The following CFAP54 variants were observed in gnomAD, a reference collection of about 807,000 sequenced individuals.
CFAP54 encodes cilia and flagella associated protein 54, also known as cilia- and flagella-associated protein 54.
A neutral mutation model predicts 370.4 loss-of-function variants in CFAP54; 290 were observed. That is an observed-to-expected ratio of 0.78 (90% CI 0.71 to 0.86). CFAP54 has a LOEUF of 0.86. Among genes scored for constraint, CFAP54 ranks in the 40% least tolerant of loss-of-function variants. The pLI is 0.00. For synonymous variants in CFAP54, 1,206 were observed against 1,236.5 expected (o/e 0.98, Z 0.52); for missense variants, 3,399 against 3,528.7 (o/e 0.96, Z 0.93).
At chr12:96,769,948 A>C (rs190694374) in intron 60 of CFAP54, among the ~76,000 whole-genome samples, 1 of 152,324 alleles carries the variant, frequency 6.6e-6, no homozygotes, top group Non-Finnish European at 1.5e-5. Context: ...CAGCCTGAAA[A>C]GAAATCTGAT....
At chr12:96,734,277 A>G (rs1957956009) in intron 50 of CFAP54, among the ~76,000 whole-genome samples, 1 of 152,208 alleles carries the variant, frequency 6.6e-6, no homozygotes, top group Admixed American at 6.5e-5. Context: ...CAATACATTA[A>G]TAATGATAAT....
intron 60 of CFAP54, among the ~76,000 whole-genome samples, chr12:96,766,705 C>T (rs567776301): frequency 6.6e-5 from 10 of 152,286 alleles, no homozygotes; most frequent in East Asian, 5.8e-4. Context: ...AAATCTAAGA[C>T]GATGACTGAA....
Position 96,826,927 on chromosome 12 carries a change from TATA to T in CFAP54, c.9097-2083_9097-2081del, listed in dbSNP as rs1234615146. 4.6e-5 allele frequency among the ~76,000 whole-genome samples: 6 copies of T among 131,328 alleles called. No individual in the cohort carries two copies. The East Asian group carries it at 1.1e-3, about 24-fold the overall frequency. The allele number at this position is 131,328 out of a possible 152,430, so 86.2% of individuals were successfully genotyped here. A position where few individuals can be genotyped will look rare whatever the true frequency, so the allele number is the denominator to read the frequency against. On this transcript the variant is annotated intron_variant, in intron 65 of 67. Transcript: ENST00000524981. Reference sequence around the variant, plus strand: ...ATATATGCAATTATATATGATTATATATAATATGCAATTATGTATGATTATATA... The same window carrying T: ...ATATATGCAATTATATATGATTATATATATGCAATTATGTATGATTATATA...
intron 1 of CFAP54, among the ~76,000 whole-genome samples, chr12:96,499,864 T>C (rs966245793): frequency 6.6e-6 from 1 of 152,114 alleles, no homozygotes; most frequent in African/African-American, 2.4e-5. Flanking sequence ...GAGAATTGCT[T>C]GAACCCCAGA....
At chr12:96,589,947 A>G (rs748503884) in intron 23 of CFAP54, among the ~76,000 whole-genome samples, 14 of 152,204 alleles carry the variant, frequency 9.2e-5, no homozygotes, top group African/African-American at 1.9e-4. Flanking sequence ...GGGTTTTGCC[A>G]TGCTGGCCAG....
At chr12:96,747,493 C>G (rs971935781) in intron 55 of CFAP54, among the ~76,000 whole-genome samples, 2 of 152,134 alleles carry the variant, frequency 1.3e-5, no homozygotes, top group Non-Finnish European at 2.9e-5. Flanking sequence ...GAAAATTAAG[C>G]ATTTAGCACC....
Position 96,675,555 on chromosome 12 carries a change from A to G in CFAP54, c.5564-4045A>G, listed in dbSNP as rs1158747730. ...CGATTCCTTAGGGATCTAGAACTAG[A>G]AATACCATTTGACCCAGCCATCCCA... On this transcript the variant is annotated intron_variant, in intron 39 of 67. Coordinates refer to ENST00000524981, the MANE Select transcript of CFAP54 (RefSeq NM_001306084.2). Among the ~76,000 whole-genome samples, 3 of 152,214 alleles carry G rather than the reference A, an allele frequency of 2.0e-5. No individual in the cohort carries two copies. The East Asian group carries it at 5.8e-4, about 29-fold the overall frequency.
At chr12:96,746,333 A>C (rs922764710) in intron 55 of CFAP54, among the ~76,000 whole-genome samples, 2 of 152,174 alleles carry the variant, frequency 1.3e-5, no homozygotes, top group Admixed American at 6.5e-5. Flanking sequence ...CCTTAAGGGT[A>C]GAGTCTGCTC....
Position 96,522,190 on chromosome 12 carries a change from G to T in CFAP54, c.1158+1G>T, listed in dbSNP as rs1955328318. On this transcript the variant is annotated splice_donor_variant, in intron 8 of 67. Coordinates refer to ENST00000524981, the MANE Select transcript of CFAP54 (RefSeq NM_001306084.2). LOFTEE classifies it high-confidence loss of function. ...AATTAACCTAAGGGAAGTACAAACT[G>T]TAAGTCTAAACATGTCTTCTCTCTT... 11 of 1,514,102 alleles carry T rather than the reference G, an allele frequency of 7.3e-6. No individual in the cohort carries two copies. Among genetic ancestry groups the T allele is most frequent in the Non-Finnish European group, 8.8e-6 (10 of 1,130,868 alleles). The allele number at this position is 1,514,102 out of a possible 1,614,324, so 93.8% of individuals were successfully genotyped here. A position where few individuals can be genotyped will look rare whatever the true frequency, so the allele number is the denominator to read the frequency against.
intron 25 of CFAP54, among the ~76,000 whole-genome samples, chr12:96,595,568 GA>G (rs2136438472): frequency 6.6e-6 from 1 of 152,254 alleles, no homozygotes; most frequent in South Asian, 2.1e-4. Flanking sequence ...ACATGATCAA[GA>G]AGACTAACTA....
chr12:96,606,048 T>TGG (rs11378511), intron 26 of CFAP54, among the ~76,000 whole-genome samples: 2,883 of 151,976 alleles, frequency 0.019, 41 homozygotes, highest in African/African-American at 0.038. Context: ...TGTGATTTAG[T>TGG]GGGGGGGTGA....
chr12:96,611,574 T>C (rs1053833759), intron 26 of CFAP54, among the ~76,000 whole-genome samples: 7 of 150,362 alleles, frequency 4.7e-5, no homozygotes, highest in African/African-American at 1.5e-4. Context: ...AGGCTTCAGA[T>C]GATCAAACTT....
At position 96,581,066 on chromosome 12, in the gene CFAP54, C is replaced by G; in HGVS notation, c.3036C>G (p.Pro1012=). The G allele has an allele frequency of 6.6e-7, 1 of 1,522,590 alleles. No homozygotes were observed. The highest frequency in any genetic ancestry group is 8.8e-7 in the Non-Finnish European group (1 of 1,140,408). The allele number at this position is 1,522,590 out of a possible 1,614,324, so 94.3% of individuals were successfully genotyped here. The part of the protein sequence containing the change: ...GETTKPILVY[P]PLSTITARMF... ...CAACTAAACCAATTCTGGTTTATCCCCCTCTTTCTACTATTACTGCTCGGA... is the reference window on the plus strand; with the variant it reads ...CAACTAAACCAATTCTGGTTTATCCGCCTCTTTCTACTATTACTGCTCGGA... Residue 1012 remains proline (P), a synonymous_variant, in exon 22 of 68, where the codon CCC becomes CCG. Coordinates refer to ENST00000524981, the MANE Select transcript of CFAP54 (RefSeq NM_001306084.2).
intron 45 of CFAP54, 55 bp downstream of exon 45, chr12:96,693,863 CAT>C: frequency 8.7e-7 from 1 of 1,146,318 alleles, no homozygotes; most frequent in South Asian, 1.4e-5. Flanking sequence ...AGGATATTGT[CAT>C]GTATTAATTT....
At position 96,630,644 on chromosome 12, in the gene CFAP54, C is replaced by T. The variant is rs1265162233; in HGVS notation, c.4309C>T (p.His1437Tyr). ...TCCGGCTATTTCTGAAATGGTGGCACATGAAAGGTATTCACTAATTAATTA... is the reference window on the plus strand; with the variant it reads ...TCCGGCTATTTCTGAAATGGTGGCATATGAAAGGTATTCACTAATTAATTA... ...KNPAISEMVA[H>Y]ERNRRTSVRK... The change falls in exon 32 of 68, where the codon CAT becomes TAT. Residue 1437 changes from histidine (H) to tyrosine (Y), a missense_variant. Physicochemically the swap from His to Tyr is moderately conservative, Grantham distance 83. Around this residue, in one of 3 missense-constraint regions of CFAP54, gnomAD observed 2,796 missense variants for 2,869.7 expected, o/e 0.97. Coordinates refer to ENST00000524981, the MANE Select transcript of CFAP54 (RefSeq NM_001306084.2). The T allele has an allele frequency of 1.4e-6, 2 of 1,479,998 alleles. No homozygotes were observed. The highest frequency in any genetic ancestry group is 8.9e-7 in the Non-Finnish European group (1 of 1,118,646). The allele number at this position is 1,479,998 out of a possible 1,614,324, so 91.7% of individuals were successfully genotyped here.
At chr12:96,857,111 A>G (rs1592814686) in intron 66 of CFAP54, among the ~76,000 whole-genome samples, 1 of 152,306 alleles carries the variant, frequency 6.6e-6, no homozygotes, top group African/African-American at 2.4e-5. Flanking sequence ...AGAACTCACT[A>G]TCACAAGAAC....
At chr12:96,698,301 A>G (rs1957456707) in intron 45 of CFAP54, among the ~76,000 whole-genome samples, 2 of 152,176 alleles carry the variant, frequency 1.3e-5, no homozygotes, top group African/African-American at 4.8e-5. Context: ...CATATAAAAT[A>G]TATCGCTATA....
At chr12:96,607,242 A>G (rs1287379043) in intron 26 of CFAP54, among the ~76,000 whole-genome samples, 1 of 151,908 alleles carries the variant, frequency 6.6e-6, no homozygotes, top group Non-Finnish European at 1.5e-5. Flanking sequence ...GCTGAAGGAG[A>G]CTCCATACTC....
At chr12:96,722,845 G>A (rs1957774064) in intron 50 of CFAP54, among the ~76,000 whole-genome samples, 1 of 152,166 alleles carries the variant, frequency 6.6e-6, no homozygotes, top group African/African-American at 2.4e-5. Context: ...GATATTGGAT[G>A]TAAGTTGTGA....
Sources: gnomAD v4.1 joint callset for allele counts (sites outside exome capture counted in the v4.1 genomes callset) on GRCh38, gnomAD v4.1.1 for gene constraint, gnomAD v4.1.1 regional missense constraint, MANE v1.5 for transcripts, NCBI Gene and HGNC (gene_info 2026-07-23, HGNC 2026-07-21) for gene names.